The following KCNJ3 variants were observed in gnomAD, a reference collection of about 807,000 sequenced individuals.
KCNJ3 encodes the protein potassium inwardly rectifying channel subfamily J member 3.
A neutral mutation model predicts 39.2 loss-of-function variants in KCNJ3; 4 were observed. The observed-to-expected ratio is 0.10, with a 90% CI of 0.05 to 0.23. KCNJ3 has a LOEUF of 0.23. KCNJ3 is among the 10% of genes least tolerant of loss of function. KCNJ3 has a pLI of 1.00. For missense variants in KCNJ3, 276 were observed against 634.9 expected (o/e 0.43, Z 6.08); for synonymous variants, 230 against 237.4 (o/e 0.97, Z 0.29).
At chr2:154,717,450 A>G (rs1685200671) in intron 2 of KCNJ3, among the ~76,000 whole-genome samples, 1 of 152,182 alleles carries the variant, frequency 6.6e-6, no homozygotes, top group Non-Finnish European at 1.5e-5. Flanking sequence ...AAGCTGTTAC[A>G]ATAGGCTTGA....
chr2:154,768,096 AG>A (rs1317698717), intron 2 of KCNJ3, among the ~76,000 whole-genome samples: 1 of 152,168 alleles, frequency 6.6e-6, no homozygotes, highest in Non-Finnish European at 1.5e-5. Context: ...GCCCTTTGTC[AG>A]GTGGGTAGAT....
At chr2:154,770,331 A>G (rs1278530711) in intron 2 of KCNJ3, among the ~76,000 whole-genome samples, 1 of 152,200 alleles carries the variant, frequency 6.6e-6, no homozygotes, top group Non-Finnish European at 1.5e-5. Flanking sequence ...GAGGAGTAGA[A>G]TTCATGTTGA....
rs1687814673 is a variant in KCNJ3, at chr2:154,855,095, T to C, written c.1288T>C (p.Leu430=). 6.2e-7 allele frequency: 1 copy of C among 1,613,916 alleles called. No homozygotes were observed. Among genetic ancestry groups the C allele is most frequent in the African/African-American group, 1.3e-5 (1 of 74,914 alleles). Residue 430 remains leucine (L), a synonymous_variant, in exon 3 of 3, where the codon TTG becomes CTG. Transcript: ENST00000295101. ...TACAACTTCAGAAAAAGCCTACAGC[T>C]TGGGAGACTTGCCCATGAAACTTCA... The part of the protein sequence containing the change: ...SSTTSEKAYS[L]GDLPMKLQRI...
intron 2 of KCNJ3, among the ~76,000 whole-genome samples, chr2:154,786,614 G>A (rs1469301067): frequency 2.6e-5 from 4 of 151,994 alleles, no homozygotes; most frequent in African/African-American, 4.8e-5. Context: ...AGATATATAC[G>A]TATATATGTA....
chr2:154,767,707 T>C (rs1558868932), intron 2 of KCNJ3, among the ~76,000 whole-genome samples: 1 of 152,208 alleles, frequency 6.6e-6, no homozygotes, highest in Non-Finnish European at 1.5e-5. Context: ...TACCCAGTAA[T>C]GGGATGGCTG....
At chr2:154,844,470 G>A (rs936781392) in intron 2 of KCNJ3, among the ~76,000 whole-genome samples, 25 of 152,226 alleles carry the variant, frequency 1.6e-4, no homozygotes, top group Non-Finnish European at 3.2e-4. Context: ...GAGAACCACT[G>A]CTCTCTTCAG....
chr2:154,852,984 C>A (rs756259549), intron 2 of KCNJ3, among the ~76,000 whole-genome samples: 1 of 151,442 alleles, frequency 6.6e-6, no homozygotes, highest in Non-Finnish European at 1.5e-5. Context: ...TAAAAAAAAA[C>A]CCACGCATAG....
chr2:154,707,984 G>A (rs1189003317), intron 1 of KCNJ3, among the ~76,000 whole-genome samples: 1 of 152,104 alleles, frequency 6.6e-6, no homozygotes, highest in African/African-American at 2.4e-5. Context: ...TCTTTTGGGA[G>A]CTTTTTCATG....
rs995618480 is a variant in KCNJ3 at position 154,855,967 on chromosome 2, A to G, written c.*654A>G. The G allele has an allele frequency of 6.6e-6, 1 of 152,506 alleles. No individual in the cohort carries two copies. Among genetic ancestry groups the G allele is most frequent in the Non-Finnish European group, 1.5e-5 (1 of 67,986 alleles). The allele number at this position is 152,506 out of a possible 1,614,324, so 9.4% of individuals were successfully genotyped here. On this transcript the variant is annotated 3_prime_UTR_variant, in exon 3 of 3. Transcript: ENST00000295101. ...TCTGATTTAATGTTTTCTGCTGTTT[A>G]AGGTCTTGGGAGGCTTTCAATTGTA...
intron 2 of KCNJ3, among the ~76,000 whole-genome samples, chr2:154,734,654 C>T (rs1332078468): frequency 2.6e-5 from 4 of 152,200 alleles, no homozygotes; most frequent in South Asian, 4.2e-4. Flanking sequence ...ATTCTCATGC[C>T]TACTGTTCTG....
intron 2 of KCNJ3, among the ~76,000 whole-genome samples, chr2:154,780,598 A>AG (rs145712221): frequency 4.7e-5 from 7 of 149,224 alleles, no homozygotes; most frequent in Non-Finnish European, 8.9e-5. Flanking sequence ...AGCAAGAGTG[A>AG]GGGGGGTTGG....
intron 2 of KCNJ3, among the ~76,000 whole-genome samples, chr2:154,847,880 G>A (rs1194625975): frequency 2.6e-5 from 4 of 152,094 alleles, no homozygotes; most frequent in African/African-American, 4.8e-5. Flanking sequence ...CATTAAAACC[G>A]ATGCTTTACC....
intron 1 of KCNJ3, among the ~76,000 whole-genome samples, chr2:154,700,539 T>A (rs972235609): frequency 6.6e-6 from 1 of 152,198 alleles, no homozygotes; most frequent in Non-Finnish European, 1.5e-5. Flanking sequence ...GTTCGTACAA[T>A]GAAAAATATT....
chr2:154,738,375 CAATAAT>C (rs1007002536), intron 2 of KCNJ3, among the ~76,000 whole-genome samples: 2 of 151,910 alleles, frequency 1.3e-5, no homozygotes, highest in African/African-American at 4.8e-5. Flanking sequence ...TGACTACAGT[CAATAAT>C]AACTTAATTG....
intron 2 of KCNJ3, among the ~76,000 whole-genome samples, chr2:154,772,550 A>C (rs1686260886): frequency 6.6e-6 from 1 of 152,208 alleles, no homozygotes; most frequent in Non-Finnish European, 1.5e-5. Context: ...TTGTTCTTGA[A>C]ATAGGACTTT....
At chr2:154,767,735 A>G (rs1686160635) in intron 2 of KCNJ3, among the ~76,000 whole-genome samples, 6 of 152,156 alleles carry the variant, frequency 3.9e-5, no homozygotes, top group Non-Finnish European at 5.9e-5. Flanking sequence ...TGGTATTTCT[A>G]GTTCTAGATC....
chr2:154,787,169 T>G (rs1213118140), intron 2 of KCNJ3, among the ~76,000 whole-genome samples: 1 of 152,214 alleles, frequency 6.6e-6, no homozygotes, highest in African/African-American at 2.4e-5. Flanking sequence ...AATATTCTGT[T>G]GTGGAATTAT....
chr2:154,781,739 A>T (rs1265154458), intron 2 of KCNJ3, among the ~76,000 whole-genome samples: 1 of 152,194 alleles, frequency 6.6e-6, no homozygotes, highest in Non-Finnish European at 1.5e-5. Flanking sequence ...ACTTGCCCGA[A>T]CCATTTAATA....
chr2:154,738,560 A>T (rs748529184), intron 2 of KCNJ3, among the ~76,000 whole-genome samples: 5 of 152,142 alleles, frequency 3.3e-5, no homozygotes, highest in Non-Finnish European at 5.9e-5. Context: ...TGTAGCCACA[A>T]AAATTAAAAA....
Sources: allele counts gnomAD v4.1 joint callset (sites outside exome capture counted in the v4.1 genomes callset), GRCh38; gene constraint gnomAD v4.1.1; transcripts MANE v1.5; gene names NCBI Gene and HGNC (gene_info 2026-07-23, HGNC 2026-07-21).